FAM110B: variants seen among roughly 807,000 people sequenced by gnomAD.
FAM110B encodes the protein protein FAM110B.
FAM110B carries 6 observed loss-of-function variants against 20.4 expected under a neutral mutation model. The observed-to-expected ratio is 0.29, with a 90% confidence interval of 0.16 to 0.58. The LOEUF (loss-of-function observed/expected upper bound fraction) is 0.58. FAM110B is among the 20% of genes least tolerant of loss of function. FAM110B has a pLI of 0.90. For synonymous variants in FAM110B, 226 were observed against 214.1 expected (o/e 1.06, Z -0.49); for missense variants, 434 against 498.2 (o/e 0.87, Z 1.23).
rs117543949 is a variant in FAM110B at position 58,069,703 on chromosome 8, A to T, written c.-413-5832A>T. ...GTATTTCCAACTATATTGAAGAGAG[A>T]TTAATTAGCACTTTATGACAAATAT... On this transcript the variant is annotated intron_variant, in intron 2 of 3. Transcript: ENST00000519262. Among the ~76,000 whole-genome samples, 327 of 152,356 alleles carry T rather than the reference A, an allele frequency of 2.1e-3. 1 individual carries two copies. The highest frequency in any genetic ancestry group is 4.0e-3 in the Non-Finnish European group (269 of 68,036).
intron 3 of FAM110B, among the ~76,000 whole-genome samples, chr8:58,079,976 G>A: frequency 6.6e-6 from 1 of 152,194 alleles, no homozygotes. Context: ...GACTGTAGAA[G>A]GACTGCCCTG....
intron 2 of FAM110B, among the ~76,000 whole-genome samples, chr8:58,052,653 T>C (rs1805470325): frequency 6.6e-6 from 1 of 152,026 alleles, no homozygotes; most frequent in East Asian, 1.9e-4. Context: ...TAGATGTATA[T>C]GTATATTGCA....
At position 58,146,667 on chromosome 8, in the gene FAM110B, C is replaced by G; in HGVS notation, c.437C>G (p.Pro146Arg). The change falls in exon 4 of 4, where the codon CCC (proline) becomes CGC (arginine). Residue 146 changes from proline (P) to arginine (R), a missense_variant. Physicochemically the swap from Pro to Arg is moderately radical, Grantham distance 103 (BLOSUM62 -2). Coordinates refer to ENST00000519262, the MANE Select transcript of FAM110B (RefSeq NM_001377989.1). Reference protein sequence around the residue: ...GHKHSSRNWPPHRSEATDLHR... With the variant: ...GHKHSSRNWPRHRSEATDLHR... ...AAGCACAGCTCCCGCAACTGGCCGC[C>G]CCACCGGTCGGAAGCCACTGACCTG... The G allele has an allele frequency of 6.2e-7, 1 of 1,612,758 alleles. No homozygotes were observed. The highest frequency in any genetic ancestry group is 8.5e-7 in the Non-Finnish European group (1 of 1,179,522).
At chr8:58,053,006 C>G (rs1187221120) in intron 2 of FAM110B, among the ~76,000 whole-genome samples, 2 of 150,990 alleles carry the variant, frequency 1.3e-5, no homozygotes, top group Non-Finnish European at 2.9e-5. Context: ...AGGATGGTCT[C>G]GATCTCCTGA....
intron 3 of FAM110B, among the ~76,000 whole-genome samples, chr8:58,130,900 T>G (rs897063293): frequency 1.3e-5 from 2 of 152,220 alleles, no homozygotes; most frequent in African/African-American, 4.8e-5. Context: ...TTTGCCTCCA[T>G]GACCATGAGG....
At chr8:57,997,137 G>A (rs1804201102) in intron 1 of FAM110B, among the ~76,000 whole-genome samples, 1 of 152,140 alleles carries the variant, frequency 6.6e-6, no homozygotes, top group Non-Finnish European at 1.5e-5. Flanking sequence ...ACTGCTGTAG[G>A]CACAGTGGCT....
intron 3 of FAM110B, among the ~76,000 whole-genome samples, chr8:58,096,270 G>A (rs1806624993): frequency 6.6e-6 from 1 of 152,092 alleles, no homozygotes; most frequent in Non-Finnish European, 1.5e-5. Flanking sequence ...CCACCTTCCG[G>A]TTTCAAGCAA....
At chr8:58,063,356 A>G (rs1805694431) in intron 2 of FAM110B, among the ~76,000 whole-genome samples, 1 of 152,246 alleles carries the variant, frequency 6.6e-6, no homozygotes, top group African/African-American at 2.4e-5. Context: ...TGCAAAGATA[A>G]AAACTATTGA....
chr8:58,101,301 T>C (rs73682146), intron 3 of FAM110B, among the ~76,000 whole-genome samples: 3,055 of 152,294 alleles, frequency 0.02, 59 homozygotes, highest in South Asian at 0.1. Context: ...TCAAACACAA[T>C]TGGTGTGAGT....
At chr8:58,091,516 C>T (rs1585878197) in intron 3 of FAM110B, 1 of 152,258 alleles carries the variant, frequency 6.6e-6, no homozygotes, top group East Asian at 1.9e-4. Flanking sequence ...GATTCCACCT[C>T]AGAATTTTAT....
chr8:58,097,003 T>A (rs1179549259), intron 3 of FAM110B, among the ~76,000 whole-genome samples: 1 of 152,188 alleles, frequency 6.6e-6, no homozygotes, highest in African/African-American at 2.4e-5. Flanking sequence ...CCTTGGTGAA[T>A]CTGACGATTA....
chr8:58,050,475 G>A (rs955665594), intron 2 of FAM110B, among the ~76,000 whole-genome samples: 9 of 152,170 alleles, frequency 5.9e-5, no homozygotes, highest in Non-Finnish European at 1.3e-4. Context: ...AAGGCCATGG[G>A]GAGGAATCTG....
intron 2 of FAM110B, among the ~76,000 whole-genome samples, chr8:58,069,983 T>C (rs1471740232): frequency 6.6e-6 from 1 of 152,162 alleles, no homozygotes; most frequent in Non-Finnish European, 1.5e-5. Flanking sequence ...ATCGAGATGA[T>C]TTTGTCTATG....
chr8:58,043,832 G>A (rs1209168528), intron 2 of FAM110B, among the ~76,000 whole-genome samples: 1 of 152,172 alleles, frequency 6.6e-6, no homozygotes, highest in Non-Finnish European at 1.5e-5. Context: ...TAGATGAGGA[G>A]ACTGAGGCAT....
At chr8:58,051,290 G>A (rs533096700) in intron 2 of FAM110B, among the ~76,000 whole-genome samples, 21 of 152,328 alleles carry the variant, frequency 1.4e-4, no homozygotes, top group African/African-American at 4.8e-4. Flanking sequence ...GACCAGAGGA[G>A]CAACTTATCA....
At chr8:58,099,543 CT>C (rs1479426831) in intron 3 of FAM110B, among the ~76,000 whole-genome samples, 1 of 152,086 alleles carries the variant, frequency 6.6e-6, no homozygotes, top group African/African-American at 2.4e-5. Context: ...GAAAAGTAAG[CT>C]TATCTATTCA....
At chr8:58,057,940 C>T (rs1331062307) in intron 2 of FAM110B, among the ~76,000 whole-genome samples, 1 of 152,254 alleles carries the variant, frequency 6.6e-6, no homozygotes, top group Non-Finnish European at 1.5e-5. Flanking sequence ...AGGGTGGCCT[C>T]CAACCTGCAT....
intron 3 of FAM110B, among the ~76,000 whole-genome samples, chr8:58,116,100 A>C (rs1274772684): frequency 2.6e-5 from 4 of 152,246 alleles, no homozygotes; most frequent in African/African-American, 7.2e-5. Flanking sequence ...ACGTACATAC[A>C]TACATGCATG....
chr8:57,998,183 C>A (rs1373635667), intron 1 of FAM110B, among the ~76,000 whole-genome samples: 2 of 152,150 alleles, frequency 1.3e-5, no homozygotes, highest in Non-Finnish European at 2.9e-5. Flanking sequence ...TCAGGGGAAA[C>A]CTTTTAAGAT....
Sources: allele counts gnomAD v4.1 joint callset (sites outside exome capture counted in the v4.1 genomes callset), GRCh38; gene constraint gnomAD v4.1.1; transcripts MANE v1.5; gene names NCBI Gene and HGNC (gene_info 2026-07-23, HGNC 2026-07-21).